Variants in TMT1A observed in about 807,000 individuals in gnomAD.
TMT1A encodes thiol S-methyltransferase TMT1A.
chr12:50,929,949 TGA>T, the TMT1A span: 1 of 1,614,032 alleles, frequency 6.2e-7, no homozygotes, highest in Non-Finnish European at 8.5e-7. Flanking sequence ...ATGTGGCAGC[TGA>T]GTGTTCGACT....
chr12:50,926,044 GA>G, the TMT1A span, among the ~76,000 whole-genome samples: 1 of 101,550 alleles, frequency 9.8e-6, no homozygotes, highest in South Asian at 3.2e-4. Flanking sequence ...AAAAAAGAAA[GA>G]AAGAAAAAAA....
At chr12:50,927,450 T>C in the TMT1A span, among the ~76,000 whole-genome samples, 1 of 152,202 alleles carries the variant, frequency 6.6e-6, no homozygotes, top group Non-Finnish European at 1.5e-5. Flanking sequence ...AAAGGACTGA[T>C]TCTTATACCC....
At chr12:50,925,836 C>T in the TMT1A span, among the ~76,000 whole-genome samples, 3 of 151,598 alleles carry the variant, frequency 2.0e-5, no homozygotes, top group Middle Eastern at 3.2e-3. Flanking sequence ...GTCAGGAGTT[C>T]GAGACCAGAC....
At chr12:50,925,396 G>C in the TMT1A span, 54 of 1,614,100 alleles carry the variant, frequency 3.3e-5, no homozygotes, top group Non-Finnish European at 4.1e-5. Context: ...CCTGCAGTTT[G>C]AGCGCTTTGT....
the TMT1A span, among the ~76,000 whole-genome samples, chr12:50,926,098 A>G: frequency 6.6e-6 from 1 of 151,918 alleles, no homozygotes; most frequent in African/African-American, 2.4e-5. Context: ...TTAAACTACA[A>G]AACAAGCTTG....
chr12:50,927,761 G>C, the TMT1A span, among the ~76,000 whole-genome samples: 1 of 152,210 alleles, frequency 6.6e-6, no homozygotes, highest in African/African-American at 2.4e-5. Flanking sequence ...AACAGACTCA[G>C]AGAGATTAAG....
chr12:50,926,036 AAAAG>A, the TMT1A span, among the ~76,000 whole-genome samples: 3 of 148,180 alleles, frequency 2.0e-5, no homozygotes, highest in Non-Finnish European at 3.0e-5. Context: ...AAAAAAAAAA[AAAAG>A]AAAGAAAGAA....
chr12:50,929,844 T>C, the TMT1A span: 2 of 1,457,754 alleles, frequency 1.4e-6, no homozygotes, highest in East Asian at 2.3e-5. Flanking sequence ...AGAACAATTT[T>C]CAAAAAATAA....
the TMT1A span, among the ~76,000 whole-genome samples, chr12:50,927,561 G>GT: frequency 6.6e-6 from 1 of 152,182 alleles, no homozygotes; most frequent in Non-Finnish European, 1.5e-5. Flanking sequence ...TGCAAGGCAG[G>GT]TAATTATTAT....
the TMT1A span, among the ~76,000 whole-genome samples, chr12:50,928,264 G>A: frequency 6.6e-6 from 1 of 152,046 alleles, no homozygotes; most frequent in South Asian, 2.1e-4. Context: ...TCCTTTCTTG[G>A]TGACACAGGA....
chr12:50,927,282 C>A, the TMT1A span, among the ~76,000 whole-genome samples: 1 of 152,148 alleles, frequency 6.6e-6, no homozygotes. Context: ...CCACTTTGGC[C>A]TCTCAAAGTG....
At chr12:50,930,373 G>A in the TMT1A span, 15 of 368,340 alleles carry the variant, frequency 4.1e-5, no homozygotes, top group Non-Finnish European at 6.3e-5. Context: ...TCCACCTCGC[G>A]GGTTTAAGCG....
At chr12:50,931,782 C>G in the TMT1A span, 2 of 149,012 alleles carry the variant, frequency 1.3e-5, no homozygotes, top group African/African-American at 4.9e-5. Context: ...CTAGGCCGGT[C>G]TTGAACTCCT....
chr12:50,930,316 G>A, the TMT1A span: 4 of 565,228 alleles, frequency 7.1e-6, no homozygotes, highest in Non-Finnish European at 8.9e-6. Flanking sequence ...TTTTGCTCTT[G>A]TTGCCCAGGC....
chr12:50,926,160 A>G, the TMT1A span, among the ~76,000 whole-genome samples: 2 of 152,204 alleles, frequency 1.3e-5, no homozygotes, highest in Non-Finnish European at 2.9e-5. Flanking sequence ...CCCTCATGTT[A>G]AAAGACATTA....
At chr12:50,925,435 G>C in the TMT1A span, 2 of 1,614,218 alleles carry the variant, frequency 1.2e-6, no homozygotes, top group African/African-American at 1.3e-5. Context: ...CATGCACCAG[G>C]TGGCTGATGG....
chr12:50,927,920 G>A, the TMT1A span, among the ~76,000 whole-genome samples: 2 of 105,746 alleles, frequency 1.9e-5, no homozygotes, highest in South Asian at 7.4e-4. Context: ...CACCTCCCAG[G>A]TTCAGTGACT....
the TMT1A span, chr12:50,930,254 G>GT: frequency 9.5e-6 from 8 of 842,776 alleles, no homozygotes; most frequent in Non-Finnish European, 1.4e-5. Flanking sequence ...TTGGGGGGCG[G>GT]TTTTTTTGGT....
chr12:50,929,787 TG>T, the TMT1A span: 1 of 787,204 alleles, frequency 1.3e-6, no homozygotes, highest in Non-Finnish European at 2.0e-6. Flanking sequence ...GTGACCCTCC[TG>T]CTCAGAACTC....
Sources: allele counts gnomAD v4.1 joint callset (sites outside exome capture counted in the v4.1 genomes callset), GRCh38; gene constraint gnomAD v4.1.1; transcripts MANE v1.5; gene names NCBI Gene and HGNC (gene_info 2026-07-23, HGNC 2026-07-21).